RANBP2: variants seen among roughly 807,000 people sequenced by gnomAD.
The protein encoded by RANBP2 is E3 SUMO-protein ligase RanBP2.
RANBP2 carries 57 observed loss-of-function variants against 303.6 expected under a neutral mutation model. The observed-to-expected ratio is 0.19, with a 90% CI of 0.15 to 0.23. The LOEUF (loss-of-function observed/expected upper bound fraction) is 0.23. Among genes scored for constraint, RANBP2 ranks in the 10% least tolerant of loss-of-function variants. The pLI is 1.00. For missense variants in RANBP2, 3,138 were observed against 3,780.8 expected (o/e 0.83, Z 4.46); for synonymous variants, 1,167 against 1,301.5 (o/e 0.90, Z 2.23).
At chr2:109,296,451 A>T in the RANBP2 span, among the ~76,000 whole-genome samples, 348 of 151,884 alleles carry the variant, frequency 2.3e-3, 1 homozygote, top group African/African-American at 8.0e-3. Context: ...CATGTTGTTC[A>T]AGCTGGTCTC....
At chr2:108,981,429 G>T in the RANBP2 span, among the ~76,000 whole-genome samples, 1 of 152,206 alleles carries the variant, frequency 6.6e-6, no homozygotes, top group African/African-American at 2.4e-5. Flanking sequence ...CTGCTATTGT[G>T]AGAAGAATGG....
the RANBP2 span, among the ~76,000 whole-genome samples, chr2:109,039,594 C>T: frequency 6.6e-6 from 1 of 152,124 alleles, no homozygotes; most frequent in Admixed American, 6.6e-5. Context: ...CGTGATCTGC[C>T]CACCTCGGCC....
chr2:109,489,278 G>A, the RANBP2 span, among the ~76,000 whole-genome samples: 6 of 152,214 alleles, frequency 3.9e-5, no homozygotes, highest in Non-Finnish European at 7.3e-5. Flanking sequence ...ACACCTTATC[G>A]GGTGGAGACC....
intron 7 of RANBP2, among the ~76,000 whole-genome samples, chr2:108,741,713 T>C (rs1417906749): frequency 1.4e-5 from 2 of 147,632 alleles, no homozygotes; most frequent in South Asian, 2.2e-4. Flanking sequence ...GGGGTTTCAC[T>C]GTGTTAGCCA....
At chr2:108,873,414 C>T in the RANBP2 span, 2 of 1,442,134 alleles carry the variant, frequency 1.4e-6, no homozygotes, top group Non-Finnish European at 1.8e-6. Context: ...TTTTTCGCTA[C>T]TCCCTAATAG....
the RANBP2 span, among the ~76,000 whole-genome samples, chr2:109,413,458 G>A: frequency 6.6e-6 from 1 of 152,154 alleles, no homozygotes; most frequent in Non-Finnish European, 1.5e-5. Context: ...AACTGCCGGG[G>A]CTACAGGCTT....
chr2:109,380,668 G>A, the RANBP2 span, among the ~76,000 whole-genome samples: 1 of 152,196 alleles, frequency 6.6e-6, no homozygotes, highest in African/African-American at 2.4e-5. Context: ...TGGGGCCACA[G>A]CCCACCTTAA....
the RANBP2 span, among the ~76,000 whole-genome samples, chr2:109,067,851 GC>G: frequency 6.6e-6 from 1 of 152,126 alleles, no homozygotes; most frequent in Non-Finnish European, 1.5e-5. Flanking sequence ...AAGCCACCCT[GC>G]CCCCTCCTCC....
the RANBP2 span, among the ~76,000 whole-genome samples, chr2:109,637,916 C>T: frequency 9.5e-3 from 1,446 of 152,234 alleles, 63 homozygotes; most frequent in East Asian, 0.12. Context: ...TGAGATCACA[C>T]CACTGCACTC....
chr2:109,296,310 C>A, the RANBP2 span, among the ~76,000 whole-genome samples: 1 of 152,060 alleles, frequency 6.6e-6, no homozygotes, highest in African/African-American at 2.4e-5. Flanking sequence ...TCACTGCAAC[C>A]CCTGCCTCCC....
intron 23 of RANBP2, among the ~76,000 whole-genome samples, chr2:108,774,796 C>G (rs905915065): frequency 2.0e-5 from 3 of 151,154 alleles, no homozygotes; most frequent in Non-Finnish European, 4.4e-5. Context: ...ACCTCTGCCT[C>G]CTGGGTTCAA....
the RANBP2 span, among the ~76,000 whole-genome samples, chr2:109,387,913 C>T: frequency 6.6e-6 from 1 of 152,038 alleles, no homozygotes; most frequent in African/African-American, 2.4e-5. Flanking sequence ...CTTCCTGACT[C>T]GTTCCACTGC....
the RANBP2 span, among the ~76,000 whole-genome samples, chr2:109,003,398 C>T: frequency 6.6e-6 from 1 of 151,508 alleles, no homozygotes. Flanking sequence ...GTTGCCATCC[C>T]TTTTAATTTT....
At chr2:109,194,124 CTGT>C in the RANBP2 span, among the ~76,000 whole-genome samples, 1 of 152,254 alleles carries the variant, frequency 6.6e-6, no homozygotes, top group African/African-American at 2.4e-5. Context: ...TGGGCAGTTG[CTGT>C]TGATGGAGTC....
chr2:109,603,699 A>G, the RANBP2 span, among the ~76,000 whole-genome samples: 2 of 152,198 alleles, frequency 1.3e-5, no homozygotes, highest in African/African-American at 2.4e-5. Context: ...CTCAGGGTAT[A>G]ATGAAATCTA....
the RANBP2 span, among the ~76,000 whole-genome samples, chr2:109,140,169 G>A: frequency 6.6e-6 from 1 of 152,166 alleles, no homozygotes; most frequent in Non-Finnish European, 1.5e-5. Context: ...TCTGAAGGCT[G>A]CATTGATGCA....
the RANBP2 span, among the ~76,000 whole-genome samples, chr2:109,661,270 G>A: frequency 5.7e-3 from 861 of 150,490 alleles, 8 homozygotes; most frequent in African/African-American, 0.02. Context: ...TTTCTGAGAC[G>A]GAGTTTCACC....
the RANBP2 span, among the ~76,000 whole-genome samples, chr2:109,553,544 C>CAAA: frequency 5.1e-4 from 49 of 95,528 alleles, no homozygotes; most frequent in African/African-American, 1.4e-3. Flanking sequence ...ACTCTGTCTC[C>CAAA]AAAAAAAAAA....
the RANBP2 span, among the ~76,000 whole-genome samples, chr2:109,562,814 T>G: frequency 6.6e-6 from 1 of 152,106 alleles, no homozygotes; most frequent in Non-Finnish European, 1.5e-5. Context: ...GTGAAGACAA[T>G]ATCATGAGAA....
Sources: allele counts gnomAD v4.1 joint callset (sites outside exome capture counted in the v4.1 genomes callset), GRCh38; gene constraint gnomAD v4.1.1; transcripts MANE v1.5; gene names NCBI Gene and HGNC (gene_info 2026-07-23, HGNC 2026-07-21).